The following ACTN1 variants were observed in gnomAD, a reference collection of about 807,000 sequenced individuals.
ACTN1 encodes actinin alpha 1, also known as alpha-actinin-1.
In ACTN1, 30 loss-of-function variants were observed where a neutral mutation model predicts 119.6. The observed-to-expected ratio is 0.25, with a 90% CI of 0.19 to 0.34. ACTN1 has a LOEUF of 0.34. ACTN1 is among the 10% of genes least tolerant of loss of function. The pLI is 1.00. For missense variants in ACTN1, 764 were observed against 1,223.4 expected, an observed-to-expected ratio of 0.62 and a Z score of 5.60; for synonymous variants, 429 against 472.6, an observed-to-expected ratio of 0.91 and a Z score of 1.20.
rs962888664 is a variant in ACTN1, at chr14:68,874,880, C to T, written c.2724G>A (p.Leu908=). 2 of 1,598,364 alleles carry T rather than the reference C, an allele frequency of 1.3e-6. No individual in the cohort carries two copies. The highest frequency in any genetic ancestry group is 1.7e-6 in the Non-Finnish European group (2 of 1,168,070). Residue 908 remains leucine, a synonymous_variant, in exon 22 of 22, where the codon CTG becomes CTA. Transcript: ENST00000394419. ...TGGATTAGAGGTCACTCTCGCCGTACAGCGCCGTGGAGAAGGACATGTAGT... is the reference window on the plus strand; with the variant it reads ...TGGATTAGAGGTCACTCTCGCCGTATAGCGCCGTGGAGAAGGACATGTAGT... ...ALDYMSFSTA[L]YGESDL
At chr14:68,897,051 C>T (rs960852552) in intron 8 of ACTN1, among the ~76,000 whole-genome samples, 3 of 152,188 alleles carry the variant, frequency 2.0e-5, no homozygotes, top group Admixed American at 6.5e-5. Flanking sequence ...GGCACAATCT[C>T]GGCTCACTGC....
intron 3 of ACTN1, among the ~76,000 whole-genome samples, chr14:68,913,189 T>C (rs1042853425): frequency 2.0e-5 from 3 of 152,242 alleles, no homozygotes; most frequent in Non-Finnish European, 4.4e-5. Flanking sequence ...TCTTTTTTTC[T>C]GTACCAGGCC....
chr14:68,959,680 C>T (rs185733676), intron 1 of ACTN1, among the ~76,000 whole-genome samples: 1 of 152,230 alleles, frequency 6.6e-6, no homozygotes, highest in Admixed American at 6.5e-5. Context: ...CTCATAGAAG[C>T]AGAGAGTAGA....
At chr14:68,901,244 G>GTT (rs1442373399) in intron 8 of ACTN1, among the ~76,000 whole-genome samples, 4 of 106,398 alleles carry the variant, frequency 3.8e-5, no homozygotes, top group Non-Finnish European at 7.6e-5. Context: ...TTTTGTTTTT[G>GTT]TTTTGTTTTT....
intron 1 of ACTN1, among the ~76,000 whole-genome samples, chr14:68,955,923 G>C (rs561969693): frequency 1.3e-5 from 2 of 152,294 alleles, no homozygotes; most frequent in South Asian, 2.1e-4. Flanking sequence ...TTCACATTTG[G>C]GGGTGGCTAG....
At chr14:68,946,407 C>A (rs2035945493) in intron 1 of ACTN1, among the ~76,000 whole-genome samples, 1 of 152,182 alleles carries the variant, frequency 6.6e-6, no homozygotes, top group Non-Finnish European at 1.5e-5. Flanking sequence ...CTGGAAATAC[C>A]TATTCCTCAA....
chr14:68,877,730 T>C (rs1011495573), intron 20 of ACTN1: 4 of 161,526 alleles, frequency 2.5e-5, no homozygotes, highest in Non-Finnish European at 5.4e-5. Context: ...TTCTAGAATC[T>C]GTTCTCTCCC....
Position 68,950,462 on chromosome 14 carries a change from G to GTGTGTGTGTGTGTGTGTGTGTGTA in ACTN1, c.106-24791_106-24790insTACACACACACACACACACACACA. Among the ~76,000 whole-genome samples the GTGTGTGTGTGTGTGTGTGTGTGTA allele has an allele frequency of 7.9e-4, 99 of 125,938 alleles. 6 individuals carry two copies. Among genetic ancestry groups the GTGTGTGTGTGTGTGTGTGTGTGTA allele is most frequent in the African/African-American group, 4.0e-3 (97 of 24,336 alleles). The allele number at this position is 125,938 out of a possible 152,430, so 82.6% of individuals were successfully genotyped here. A position where few individuals can be genotyped will look rare whatever the true frequency, so the allele number is the denominator to read the frequency against. On this transcript the variant is annotated intron_variant, in intron 1 of 21. Coordinates refer to ENST00000394419, the MANE Select transcript of ACTN1 (RefSeq NM_001130004.2). The stretch of plus-strand genomic sequence containing the variant: ...TTTACCATAATATATATGCGTGTGT[G>GTGTGTGTGTGTGTGTGTGTGTGTA]TATATATATATATATAAATCAAACA...
rs74446338 is a variant in ACTN1 at position 68,925,750 on chromosome 14, A to G, written c.106-78T>C. ...ATTGGACAAGCCATTTAATGGTGCC[A>G]GGGGGTGGGAGGTGGACACCTACTC... On this transcript the variant is annotated intron_variant, in intron 1 of 21. Transcript: ENST00000394419. This position sits in a 1 kb window ranked among gnomAD's most constrained non-coding sequence, Gnocchi z 4.3. The G allele has an allele frequency of 3.2e-3, 3,678 of 1,162,778 alleles. 78 individuals are homozygous for G. The African/African-American group carries it at 0.049, about 16-fold the overall frequency. 72.0% of individuals were successfully genotyped at this position (1,162,778 alleles called of 1,614,324 possible).
At chr14:68,950,451 T>TATGC (rs1203198694) in intron 1 of ACTN1, among the ~76,000 whole-genome samples, 2 of 144,636 alleles carry the variant, frequency 1.4e-5, no homozygotes, top group East Asian at 3.9e-4. Flanking sequence ...CCATAATATA[T>TATGC]ATGCGTGTGT....
chr14:68,888,248 T>C (rs2032187467), intron 11 of ACTN1: 1 of 363,784 alleles, frequency 2.7e-6, no homozygotes, highest in East Asian at 6.8e-5. Context: ...GTAAAATTGG[T>C]AGAACTGAAT....
intron 1 of ACTN1, among the ~76,000 whole-genome samples, chr14:68,969,850 C>T (rs2036824571): frequency 2.0e-5 from 3 of 152,152 alleles, no homozygotes; most frequent in African/African-American, 7.2e-5. Flanking sequence ...AAGAACCCCT[C>T]CCACCCACAT....
intron 6 of ACTN1, among the ~76,000 whole-genome samples, chr14:68,907,472 G>A (rs1594795171): frequency 6.6e-6 from 1 of 151,962 alleles, no homozygotes; most frequent in East Asian, 1.9e-4. Flanking sequence ...GCTGAGGCAG[G>A]AGAATTGCCT....
intron 1 of ACTN1, among the ~76,000 whole-genome samples, chr14:68,966,828 A>G (rs2036722799): frequency 6.6e-6 from 1 of 152,232 alleles, no homozygotes; most frequent in Non-Finnish European, 1.5e-5. Flanking sequence ...ACAAACCCAC[A>G]CAAAAGGACC....
intron 2 of ACTN1, among the ~76,000 whole-genome samples, chr14:68,922,151 T>C (rs979072850): frequency 1.3e-5 from 2 of 152,166 alleles, no homozygotes; most frequent in African/African-American, 4.8e-5. Context: ...TTCAGGCCCC[T>C]TGTGCCTGCC....
At chr14:68,955,044 T>A (rs2036306947) in intron 1 of ACTN1, among the ~76,000 whole-genome samples, 1 of 152,174 alleles carries the variant, frequency 6.6e-6, no homozygotes, top group Admixed American at 6.5e-5. Context: ...CCTGGCAGCC[T>A]CCATGCCACA....
chr14:68,934,353 G>A (rs113516615), intron 1 of ACTN1, among the ~76,000 whole-genome samples: 3 of 152,228 alleles, frequency 2.0e-5, no homozygotes, highest in East Asian at 1.9e-4. Context: ...AGGAACCCAC[G>A]TCAATACCTG....
intron 1 of ACTN1, chr14:68,978,737 G>A (rs2037158013): frequency 8.1e-6 from 3 of 370,098 alleles, no homozygotes; most frequent in Admixed American, 4.9e-5. Flanking sequence ...CCGCGCTCCG[G>A]CCCGGCGTTC....
At chr14:68,949,590 T>A (rs531447034) in intron 1 of ACTN1, among the ~76,000 whole-genome samples, 2 of 152,256 alleles carry the variant, frequency 1.3e-5, no homozygotes, top group South Asian at 4.1e-4. Flanking sequence ...AATATAGCAG[T>A]ACTACTTTCT....
Sources: gnomAD v4.1 joint callset for allele counts (sites outside exome capture counted in the v4.1 genomes callset) on GRCh38, gnomAD v4.1.1 for gene constraint, Gnocchi (gnomAD v3.1) non-coding constraint, MANE v1.5 for transcripts, NCBI Gene and HGNC (gene_info 2026-07-23, HGNC 2026-07-21) for gene names.